The following SV2B variants were observed in gnomAD, a reference collection of about 807,000 sequenced individuals.
SV2B encodes the protein synaptic vesicle glycoprotein 2B, also known as solute carrier family 22 member B2.
SV2B carries 41 observed loss-of-function variants against 73.9 expected under a neutral mutation model. That is an observed-to-expected ratio of 0.56 (90% CI 0.43 to 0.72). The LOEUF (loss-of-function observed/expected upper bound fraction) is 0.72, where lower values mean the gene tolerates loss of function less well. SV2B is among the 30% of genes least tolerant of loss of function. The probability of loss-of-function intolerance (pLI) is 0.00; values close to 1 mark genes in which losing one functional copy is unlikely to be tolerated. For missense variants in SV2B, 764 were observed against 857.8 expected, an observed-to-expected ratio of 0.89 and a Z score of 1.37; for synonymous variants, 314 against 314.2, an observed-to-expected ratio of 1.00 and a Z score of 0.01.
chr15:91,201,253 C>T (rs1484133854), intron 1 of SV2B, among the ~76,000 whole-genome samples: 1 of 152,186 alleles, frequency 6.6e-6, no homozygotes, highest in Non-Finnish European at 1.5e-5. Flanking sequence ...TCAAGTGTTA[C>T]ATCCGTTGGG....
chr15:91,197,484 A>G lies in SV2B; in HGVS notation c.-391-28389A>G, dbSNP rs544992189. ...GGTCATCCACCTGCCTCGGCCTCCCATAGTGCTGGGATTACAGGCGTGAGC... is the reference window on the plus strand; with the variant it reads ...GGTCATCCACCTGCCTCGGCCTCCCGTAGTGCTGGGATTACAGGCGTGAGC... On this transcript the variant is annotated intron_variant, in intron 1 of 12. Transcript: ENST00000394232. This position sits in a 1 kb window ranked among gnomAD's most constrained non-coding sequence, Gnocchi z 4.9. 2.0e-5 allele frequency among the ~76,000 whole-genome samples: 3 copies of G among 151,190 alleles called. No homozygotes were observed. The highest frequency in any genetic ancestry group is 7.3e-5 in the African/African-American group (3 of 41,348).
At position 91,231,875 on chromosome 15, in the gene SV2B, A is replaced by G. The variant is rs755318654; in HGVS notation, c.451+5161A>G. Among the ~76,000 whole-genome samples the G allele has an allele frequency of 6.6e-6, 1 of 152,198 alleles. No homozygotes were observed. The highest frequency in any genetic ancestry group is 2.4e-5 in the African/African-American group (1 of 41,440). On this transcript the variant is annotated intron_variant, in intron 2 of 12. Transcript: ENST00000394232. The surrounding 1 kb of genome is among the most constrained non-coding windows in gnomAD (Gnocchi z 4.5). ...GAATCTAACAGTTGACCCCTGGGGC[A>G]TGGTGTCTGTGCCAGCCATACGGAG...
chr15:91,207,333 GT>G (rs199732480), intron 1 of SV2B, among the ~76,000 whole-genome samples: 9 of 151,558 alleles, frequency 5.9e-5, no homozygotes, highest in South Asian at 2.1e-4. Context: ...TTAAAACAAT[GT>G]TTTTTTTCTG....
At chr15:91,175,905 A>G (rs189428072) in intron 1 of SV2B, among the ~76,000 whole-genome samples, 5 of 151,558 alleles carry the variant, frequency 3.3e-5, no homozygotes, top group Non-Finnish European at 5.9e-5. Context: ...TATTATTATT[A>G]TACTTTAAGT....
chr15:91,111,338 T>C (rs115685998), intron 1 of SV2B, among the ~76,000 whole-genome samples: 2,867 of 152,310 alleles, frequency 0.019, 104 homozygotes, highest in African/African-American at 0.065. Context: ...AACTCTTACT[T>C]TCTTGTGGTT....
At position 91,292,640 on chromosome 15, in the gene SV2B, A is replaced by T; in HGVS notation, c.*88A>T. On this transcript the variant is annotated 3_prime_UTR_variant, in exon 13 of 13. Coordinates refer to ENST00000394232, the MANE Select transcript of SV2B (RefSeq NM_001323032.3). Reference sequence around the variant, plus strand: ...CTTCCTGCCTATCACGGTCCGGAGGACACCTTGGATAGCACGGGAGGAGAA... The same window carrying T: ...CTTCCTGCCTATCACGGTCCGGAGGTCACCTTGGATAGCACGGGAGGAGAA... 1 of 1,479,800 alleles carries T rather than the reference A, an allele frequency of 6.8e-7. No homozygotes were observed. Among genetic ancestry groups the T allele is most frequent in the South Asian group, 1.4e-5 (1 of 72,612 alleles). 91.7% of individuals were successfully genotyped at this position (1,479,800 alleles called of 1,614,324 possible).
chr15:91,108,093 G>C (rs2041939318), intron 1 of SV2B, among the ~76,000 whole-genome samples: 1 of 152,060 alleles, frequency 6.6e-6, no homozygotes, highest in Non-Finnish European at 1.5e-5. Context: ...GAACTATGTT[G>C]GTGTAAATAT....
intron 11 of SV2B, among the ~76,000 whole-genome samples, chr15:91,285,500 G>A (rs551712002): frequency 1.8e-4 from 28 of 152,336 alleles, no homozygotes; most frequent in Non-Finnish European, 3.7e-4. Context: ...CAAACACCAA[G>A]CTTTCAGCAG....
chr15:91,178,584 G>T (rs1375132760), intron 1 of SV2B, among the ~76,000 whole-genome samples: 4 of 152,236 alleles, frequency 2.6e-5, no homozygotes, highest in Non-Finnish European at 1.5e-5. Context: ...GTTATTGGTT[G>T]ATTCAGAGAT....
At chr15:91,101,769 A>T (rs2041732257) in intron 1 of SV2B, 1 of 152,132 alleles carries the variant, frequency 6.6e-6, no homozygotes, top group Non-Finnish European at 1.5e-5. Flanking sequence ...GCAGAGCTTT[A>T]CAAGTCTCGG....
chr15:91,169,981 C>T (rs2044063290), intron 1 of SV2B, among the ~76,000 whole-genome samples: 1 of 152,200 alleles, frequency 6.6e-6, no homozygotes, highest in Non-Finnish European at 1.5e-5. Context: ...CAATTACTTT[C>T]CGATGGTTGA....
intron 1 of SV2B, among the ~76,000 whole-genome samples, chr15:91,184,716 T>C (rs536812071): frequency 2.0e-5 from 3 of 152,322 alleles, no homozygotes; most frequent in African/African-American, 7.2e-5. Flanking sequence ...CATTTTATCA[T>C]TGGCATTTTA....
chr15:91,155,209 G>T (rs28635382), intron 1 of SV2B, among the ~76,000 whole-genome samples: 1 of 152,134 alleles, frequency 6.6e-6, no homozygotes, highest in African/African-American at 2.4e-5. Context: ...AGGGAAGGGC[G>T]TGGTTAAGGT....
rs1263891020 is a variant in SV2B, at chr15:91,292,450, G to C, written c.1950G>C (p.Gly650=). 5 of 1,614,180 alleles carry C rather than the reference G, an allele frequency of 3.1e-6. No homozygotes were observed. The highest frequency in any genetic ancestry group is 4.2e-6 in the Non-Finnish European group (5 of 1,180,034). The change falls in exon 13 of 13, where the codon GGG becomes GGC. Residue 650 remains glycine, a synonymous_variant. Transcript: ENST00000394232. The stretch of plus-strand genomic sequence containing the variant: ...ACACCATCTTTGCTTCTTTTGTTGG[G>C]ATAACCAAAGTGGTCCCCATCCTTC... ...LGNTIFASFV[G]ITKVVPILLA...
At position 91,227,367 on chromosome 15, in the gene SV2B, C is replaced by T. The variant is rs1161519386; in HGVS notation, c.451+653C>T. ...CAGCACCATCAGAGCCAAGCATCAG[C>T]ATCAGGCTGAGGCAGAGAGGATTTG... On this transcript the variant is annotated intron_variant, in intron 2 of 12. Coordinates refer to ENST00000394232, the MANE Select transcript of SV2B (RefSeq NM_001323032.3). This position sits in a 1 kb window ranked among gnomAD's most constrained non-coding sequence, Gnocchi z 4.5. 6.6e-6 allele frequency among the ~76,000 whole-genome samples: 1 copy of T among 152,208 alleles called. No homozygotes were observed. The highest frequency in any genetic ancestry group is 1.5e-5 in the Non-Finnish European group (1 of 68,040).
At position 91,267,215 on chromosome 15, in the gene SV2B, A is replaced by AGCAGTT; in HGVS notation, c.1120-340_1120-339insGCAGTT. On this transcript the variant is annotated intron_variant, in intron 7 of 12. Coordinates refer to ENST00000394232, the MANE Select transcript of SV2B (RefSeq NM_001323032.3). This position sits in a 1 kb window ranked among gnomAD's most constrained non-coding sequence, Gnocchi z 4.3. The stretch of plus-strand genomic sequence containing the variant: ...TGGTGTATGGTCAGTAAATGTTTGC[A>AGCAGTT]ATATCCCCCTTGCCCACAGGCAGGG... Among the ~76,000 whole-genome samples the AGCAGTT allele has an allele frequency of 6.6e-6, 1 of 152,208 alleles. No individual in the cohort carries two copies. Among genetic ancestry groups the AGCAGTT allele is most frequent in the Non-Finnish European group, 1.5e-5 (1 of 68,034 alleles).
At chr15:91,160,848 A>G (rs2043690017) in intron 1 of SV2B, among the ~76,000 whole-genome samples, 1 of 152,188 alleles carries the variant, frequency 6.6e-6, no homozygotes, top group Non-Finnish European at 1.5e-5. Flanking sequence ...CAAACCTCAT[A>G]AATAAAATAA....
intron 1 of SV2B, among the ~76,000 whole-genome samples, chr15:91,150,727 T>G (rs1250527559): frequency 2.6e-5 from 4 of 152,222 alleles, no homozygotes; most frequent in African/African-American, 9.6e-5. Flanking sequence ...AATTTAGTTC[T>G]GAGGCTCTGA....
At chr15:91,156,932 C>A (rs968652189) in intron 1 of SV2B, among the ~76,000 whole-genome samples, 1 of 152,204 alleles carries the variant, frequency 6.6e-6, no homozygotes, top group Non-Finnish European at 1.5e-5. Context: ...GGGACAGATG[C>A]TTTATTCAGA....
Sources: allele counts gnomAD v4.1 joint callset (sites outside exome capture counted in the v4.1 genomes callset), GRCh38; gene constraint gnomAD v4.1.1; non-coding constraint Gnocchi (gnomAD v3.1); transcripts MANE v1.5; gene names NCBI Gene and HGNC (gene_info 2026-07-23, HGNC 2026-07-21).